Variants in KCNH5 observed in about 807,000 individuals in gnomAD.
KCNH5 encodes voltage-gated delayed rectifier potassium channel KCNH5.
In KCNH5, 46 loss-of-function variants were observed where a neutral mutation model predicts 96.1. The observed-to-expected ratio is 0.48, with a 90% CI of 0.38 to 0.61. The LOEUF (loss-of-function observed/expected upper bound fraction) is 0.61. Ranked by LOEUF, KCNH5 falls within the 20% of genes least tolerant of loss-of-function variation. The probability of loss-of-function intolerance (pLI) is 0.00; values close to 1 mark genes in which losing one functional copy is unlikely to be tolerated. For missense variants in KCNH5, 907 were observed against 1,225.8 expected, an observed-to-expected ratio of 0.74 and a Z score of 3.88; for synonymous variants, 439 against 449.8, an observed-to-expected ratio of 0.98 and a Z score of 0.30.
intron 10 of KCNH5, among the ~76,000 whole-genome samples, chr14:62,721,363 C>T (rs1241175102): frequency 3.9e-5 from 6 of 152,150 alleles, no homozygotes; most frequent in Non-Finnish European, 8.8e-5. Context: ...CTTTAGTAAG[C>T]TTCTGATCTA....
intron 7 of KCNH5, among the ~76,000 whole-genome samples, chr14:62,853,938 C>A (rs1312981568): frequency 6.9e-6 from 1 of 145,690 alleles, no homozygotes; most frequent in East Asian, 2.2e-4. Context: ...ACCCGGGAGG[C>A]GGAGGTTGCA....
intron 7 of KCNH5, among the ~76,000 whole-genome samples, chr14:62,938,898 T>C (rs79314073): frequency 0.011 from 1,696 of 152,364 alleles, 47 homozygotes; most frequent in African/African-American, 0.038. Flanking sequence ...TATGTCTATG[T>C]TATGCATCTA....
chr14:63,002,265 T>A (rs1335541814), intron 3 of KCNH5, among the ~76,000 whole-genome samples: 1 of 152,190 alleles, frequency 6.6e-6, no homozygotes, highest in African/African-American at 2.4e-5. Flanking sequence ...GGTATCAAAG[T>A]ATTCAAGGCT....
chr14:62,887,978 G>T (rs1390428862), intron 7 of KCNH5, among the ~76,000 whole-genome samples: 2 of 152,070 alleles, frequency 1.3e-5, no homozygotes, highest in African/African-American at 4.8e-5. Context: ...TTTAGTTTCA[G>T]CTGTCTCCCT....
intron 7 of KCNH5, among the ~76,000 whole-genome samples, chr14:62,898,199 A>G (rs1888853963): frequency 6.6e-6 from 1 of 152,236 alleles, no homozygotes; most frequent in Admixed American, 6.5e-5. Flanking sequence ...AGTAAGAGAA[A>G]AAATAATAAC....
chr14:62,801,549 C>T (rs1886661446), intron 9 of KCNH5, among the ~76,000 whole-genome samples: 1 of 146,258 alleles, frequency 6.8e-6, no homozygotes, highest in Admixed American at 6.9e-5. Flanking sequence ...ACACTGTCCC[C>T]AAACATGCAA....
chr14:62,879,314 T>C (rs985253286), intron 7 of KCNH5, among the ~76,000 whole-genome samples: 3 of 152,118 alleles, frequency 2.0e-5, no homozygotes, highest in East Asian at 1.9e-4. Context: ...CAGTCTCCTA[T>C]AAAGTTAAAC....
At chr14:62,872,105 T>G (rs1243024525) in intron 7 of KCNH5, among the ~76,000 whole-genome samples, 3 of 152,218 alleles carry the variant, frequency 2.0e-5, no homozygotes, top group African/African-American at 7.2e-5. Context: ...AAAAAAATCC[T>G]CTTTGATTCT....
At chr14:62,841,839 G>A (rs1326479191) in intron 8 of KCNH5, among the ~76,000 whole-genome samples, 5 of 152,192 alleles carry the variant, frequency 3.3e-5, no homozygotes, top group South Asian at 2.1e-4. Context: ...ACACAAAAGC[G>A]TGGAACCTGA....
chr14:62,897,543 G>C (rs1595675035), intron 7 of KCNH5, among the ~76,000 whole-genome samples: 4 of 152,072 alleles, frequency 2.6e-5, no homozygotes, highest in African/African-American at 9.7e-5. Flanking sequence ...AAAAAAAACT[G>C]CACGGATAAA....
At chr14:62,771,215 AGTCTATG>A (rs1243711144) in intron 10 of KCNH5, among the ~76,000 whole-genome samples, 1 of 152,200 alleles carries the variant, frequency 6.6e-6, no homozygotes, top group Non-Finnish European at 1.5e-5. Flanking sequence ...GAAACTACTC[AGTCTATG>A]GTATTTTGTG....
intron 7 of KCNH5, among the ~76,000 whole-genome samples, chr14:62,875,180 G>C (rs1296212958): frequency 2.7e-5 from 4 of 149,104 alleles, no homozygotes; most frequent in African/African-American, 9.9e-5. Context: ...CACTGCTCAA[G>C]GAAATAAAAG....
chr14:62,958,368 C>T (rs895174891), intron 6 of KCNH5, among the ~76,000 whole-genome samples: 4 of 152,134 alleles, frequency 2.6e-5, no homozygotes, highest in Non-Finnish European at 5.9e-5. Context: ...AATAGCCTGG[C>T]CTTGGAGTTT....
intron 7 of KCNH5, among the ~76,000 whole-genome samples, chr14:62,910,106 A>G (rs1889120373): frequency 6.6e-6 from 1 of 151,656 alleles, no homozygotes; most frequent in African/African-American, 2.4e-5. Context: ...ATAGTTCCAG[A>G]TAAGAAAGAT....
intron 10 of KCNH5, among the ~76,000 whole-genome samples, chr14:62,723,619 T>A (rs1213459512): frequency 1.3e-5 from 2 of 152,180 alleles, no homozygotes; most frequent in Non-Finnish European, 2.9e-5. Context: ...TCATGGGGTA[T>A]GTTATTTCTG....
rs377667112 is a variant in KCNH5 at position 62,950,455 on chromosome 14, G to A, written c.1047C>T (p.Leu349=). ...GTCCAAACACACACACCAGGAGCACGAGGACTGCTGCTCCATATTCTAGGT... is the reference window on the plus strand; with the variant it reads ...GTCCAAACACACACACCAGGAGCACAAGGACTGCTGCTCCATATTCTAGGT... ...DHYLEYGAAV[L]VLLVCVFGLV... The change falls in exon 7 of 11, where the codon CTC becomes CTT. Residue 349 remains leucine, a synonymous_variant. Coordinates refer to ENST00000322893, the MANE Select transcript of KCNH5 (RefSeq NM_139318.5). 10 of 1,613,518 alleles carry A rather than the reference G, an allele frequency of 6.2e-6. No homozygotes were observed. The highest frequency in any genetic ancestry group is 3.3e-5 in the South Asian group (3 of 91,068).
chr14:63,019,960 C>T (rs904026119), intron 1 of KCNH5, among the ~76,000 whole-genome samples: 1 of 152,098 alleles, frequency 6.6e-6, no homozygotes, highest in South Asian at 2.1e-4. Flanking sequence ...CCAGAAAATA[C>T]AAAATATTCC....
chr14:62,813,304 CTTT>C (rs1886909174), intron 8 of KCNH5, among the ~76,000 whole-genome samples: 1 of 152,138 alleles, frequency 6.6e-6, no homozygotes, highest in Non-Finnish European at 1.5e-5. Context: ...TCTGGGAGAT[CTTT>C]AGTCTTAGTG....
intron 1 of KCNH5, among the ~76,000 whole-genome samples, chr14:63,039,260 G>A (rs996223729): frequency 5.3e-5 from 8 of 151,932 alleles, no homozygotes; most frequent in African/African-American, 1.9e-4. Flanking sequence ...TCTTAAAACA[G>A]TCTACTCCCA....
Sources: allele counts gnomAD v4.1 joint callset (sites outside exome capture counted in the v4.1 genomes callset), GRCh38; gene constraint gnomAD v4.1.1; transcripts MANE v1.5; gene names NCBI Gene and HGNC (gene_info 2026-07-23, HGNC 2026-07-21).